The following MAGI2 variants were observed in gnomAD, a reference collection of about 807,000 sequenced individuals.
MAGI2 encodes membrane-associated guanylate kinase, WW and PDZ domain-containing protein 2.
In MAGI2, 35 loss-of-function variants were observed where a neutral mutation model predicts 133.3. The ratio of observed to expected loss-of-function variants is 0.26; its 90% CI spans 0.20 to 0.35. The LOEUF is 0.35. Ranked by LOEUF, MAGI2 falls within the 10% of genes least tolerant of loss-of-function variation. The pLI is 1.00. For missense variants in MAGI2, 1,636 were observed against 1,863.4 expected, an observed-to-expected ratio of 0.88 and a Z score of 2.25; for synonymous variants, 729 against 710.6, an observed-to-expected ratio of 1.03 and a Z score of -0.41.
At chr7:79,297,176 T>G (rs6980419) in intron 1 of MAGI2, among the ~76,000 whole-genome samples, 1 of 152,196 alleles carries the variant, frequency 6.6e-6, no homozygotes. Flanking sequence ...CCACCTGGCC[T>G]ACAGTGTTTG....
chr7:78,905,395 C>T (rs575004352), intron 2 of MAGI2, among the ~76,000 whole-genome samples: 6 of 152,308 alleles, frequency 3.9e-5, no homozygotes, highest in Admixed American at 1.3e-4. Context: ...AGTCTGCTTA[C>T]ACCACTTACC....
chr7:78,942,078 GA>G (rs1801031894), intron 2 of MAGI2, among the ~76,000 whole-genome samples: 1 of 152,028 alleles, frequency 6.6e-6, no homozygotes, highest in South Asian at 2.1e-4. Flanking sequence ...TTGGTGGAAA[GA>G]AAAAATGTTA....
At chr7:78,981,363 C>A (rs1647157667) in intron 2 of MAGI2, among the ~76,000 whole-genome samples, 1 of 151,548 alleles carries the variant, frequency 6.6e-6, no homozygotes, top group South Asian at 2.1e-4. Context: ...ATGATTTCAG[C>A]AGACAAAACC....
At chr7:79,331,463 T>C (rs903775951) in intron 1 of MAGI2, among the ~76,000 whole-genome samples, 1 of 152,146 alleles carries the variant, frequency 6.6e-6, no homozygotes, top group Non-Finnish European at 1.5e-5. Flanking sequence ...GAATATATAG[T>C]TACATGGGAA....
At chr7:78,387,023 T>C (rs1162749277) in intron 6 of MAGI2, among the ~76,000 whole-genome samples, 1 of 152,202 alleles carries the variant, frequency 6.6e-6, no homozygotes, top group Non-Finnish European at 1.5e-5. Context: ...ATTTTCAGAA[T>C]TAACCCTGAT....
chr7:78,093,186 G>T (rs917820521), intron 20 of MAGI2, among the ~76,000 whole-genome samples: 7 of 149,422 alleles, frequency 4.7e-5, no homozygotes, highest in East Asian at 2.0e-4. Context: ...GGTGGGGCGT[G>T]GTGGCTCACA....
intron 1 of MAGI2, among the ~76,000 whole-genome samples, chr7:79,332,593 A>G (rs1009677291): frequency 6.6e-6 from 1 of 152,206 alleles, no homozygotes; most frequent in Non-Finnish European, 1.5e-5. Context: ...TAGGGAGTAC[A>G]TAGGAAATAT....
chr7:78,882,542 C>T (rs1017027327), intron 2 of MAGI2, among the ~76,000 whole-genome samples: 1 of 152,008 alleles, frequency 6.6e-6, no homozygotes, highest in Non-Finnish European at 1.5e-5. Flanking sequence ...ATACCAAAAG[C>T]TGGCAAAGAC....
At chr7:79,134,953 A>G (rs556693231) in intron 1 of MAGI2, among the ~76,000 whole-genome samples, 1 of 152,364 alleles carries the variant, frequency 6.6e-6, no homozygotes, top group African/African-American at 2.4e-5. Context: ...TAAAACACAC[A>G]ACACAAATAT....
intron 3 of MAGI2, among the ~76,000 whole-genome samples, chr7:78,601,573 G>A (rs1805216136): frequency 6.6e-6 from 1 of 152,014 alleles, no homozygotes; most frequent in South Asian, 2.1e-4. Flanking sequence ...TTTCCTTTCA[G>A]TATTTACGGG....
chr7:78,632,244 A>T, intron 2 of MAGI2, among the ~76,000 whole-genome samples: 1 of 152,378 alleles, frequency 6.6e-6, no homozygotes, highest in East Asian at 1.9e-4. Context: ...TAAATAAAAA[A>T]TAAAAAGTTA....
At chr7:79,082,146 A>G (rs2129541949) in intron 1 of MAGI2, among the ~76,000 whole-genome samples, 1 of 152,214 alleles carries the variant, frequency 6.6e-6, no homozygotes, top group South Asian at 2.1e-4. Context: ...TGATTTGCAC[A>G]TATTTTCTTC....
intron 2 of MAGI2, among the ~76,000 whole-genome samples, chr7:78,647,168 G>T (rs527240925): frequency 7.6e-4 from 116 of 152,236 alleles, no homozygotes; most frequent in Non-Finnish European, 1.4e-3. Flanking sequence ...AAACTAAAGA[G>T]CTTCTGCACA....
chr7:79,340,155 T>C (rs192676907), intron 1 of MAGI2, among the ~76,000 whole-genome samples: 29 of 152,274 alleles, frequency 1.9e-4, no homozygotes, highest in Middle Eastern at 3.4e-3. Flanking sequence ...ACTCTAATTA[T>C]GAATATATAG....
intron 9 of MAGI2, among the ~76,000 whole-genome samples, chr7:78,322,610 G>T (rs1435677361): frequency 6.6e-6 from 1 of 152,086 alleles, no homozygotes; most frequent in Non-Finnish European, 1.5e-5. Flanking sequence ...GGGCCTGTTG[G>T]TAGATGGGGG....
At chr7:78,245,594 G>A (rs1198266536) in intron 10 of MAGI2, among the ~76,000 whole-genome samples, 4 of 152,072 alleles carry the variant, frequency 2.6e-5, no homozygotes, top group African/African-American at 9.7e-5. Flanking sequence ...GCCCCAGAGA[G>A]GATGGAAGGA....
In MAGI2 at chr7:78,030,865, T is replaced by C. The variant is rs144789996; in HGVS notation, c.3707-10889A>G. ...TTAACATCTGACTCAGGAGTCTCAC[T>C]CTGAGGTATCTACCTGAGTGAAATA... On this transcript the variant is annotated intron_variant, in intron 21 of 21. Coordinates refer to ENST00000354212, the MANE Select transcript of MAGI2 (RefSeq NM_012301.4). Among the ~76,000 whole-genome samples, 28 of 152,344 alleles carry C rather than the reference T, an allele frequency of 1.8e-4. No individual in the cohort carries two copies. In the East Asian group the frequency reaches 5.0e-3, roughly 27 times the overall value.
chr7:78,977,889 G>A (rs1016462127), intron 2 of MAGI2, among the ~76,000 whole-genome samples: 2 of 151,670 alleles, frequency 1.3e-5, no homozygotes, highest in Admixed American at 6.6e-5. Flanking sequence ...CACCTAAACA[G>A]ATACATCACC....
intron 1 of MAGI2, among the ~76,000 whole-genome samples, chr7:79,182,427 C>T (rs1272217473): frequency 6.6e-6 from 1 of 151,924 alleles, no homozygotes; most frequent in Admixed American, 6.6e-5. Context: ...TATTCACCAT[C>T]ATGAGAACAC....
Sources: gnomAD v4.1 joint callset for allele counts (sites outside exome capture counted in the v4.1 genomes callset) on GRCh38, gnomAD v4.1.1 for gene constraint, MANE v1.5 for transcripts, NCBI Gene and HGNC (gene_info 2026-07-23, HGNC 2026-07-21) for gene names.